GRIK4: variants seen among roughly 807,000 people sequenced by gnomAD.
GRIK4 encodes the protein glutamate ionotropic receptor kainate type subunit 4.
In GRIK4, 40 loss-of-function variants were observed where a neutral mutation model predicts 104.9. That is an observed-to-expected ratio of 0.38 (90% CI 0.30 to 0.50). The LOEUF is 0.50. GRIK4 is among the 20% of genes least tolerant of loss of function. GRIK4 has a pLI of 0.93. For synonymous variants in GRIK4, 485 were observed against 524.9 expected, an observed-to-expected ratio of 0.92 and a Z score of 1.04; for missense variants, 1,047 against 1,308.1, an observed-to-expected ratio of 0.80 and a Z score of 3.08.
At position 120,660,291 on chromosome 11, in the gene GRIK4, C is replaced by T; in HGVS notation, c.-28C>T. ...CAGAGTTATGTCATGCCCAGGCCAG[C>T]AGGGGGCTCCATGAGGATTCATAGA... is the stretch of plus-strand genomic sequence containing the variant. On this transcript the variant is annotated 5_prime_UTR_variant, in exon 3 of 21. An upstream open reading frame in the 5' UTR gains an earlier in-frame stop. Transcript: ENST00000527524. 2 of 1,553,640 alleles carry T rather than the reference C, an allele frequency of 1.3e-6. No individual in the cohort carries two copies. Among genetic ancestry groups the T allele is most frequent in the Non-Finnish European group, 1.8e-6 (2 of 1,126,338 alleles).
At chr11:120,920,198 T>C (rs1176612621) in intron 13 of GRIK4, among the ~76,000 whole-genome samples, 6 of 152,172 alleles carry the variant, frequency 3.9e-5, no homozygotes, top group Admixed American at 1.3e-4. Context: ...AAAATGAAAA[T>C]AATAGTACCC....
intron 3 of GRIK4, among the ~76,000 whole-genome samples, chr11:120,668,259 A>G (rs1949954978): frequency 6.6e-6 from 1 of 151,900 alleles, no homozygotes; most frequent in Non-Finnish European, 1.5e-5. Flanking sequence ...AGATGAAAGA[A>G]ATAAGAAAGA....
At chr11:120,690,350 G>C (rs2135307941) in intron 3 of GRIK4, among the ~76,000 whole-genome samples, 1 of 152,326 alleles carries the variant, frequency 6.6e-6, no homozygotes, top group South Asian at 2.1e-4. Context: ...GTGTGGGCTT[G>C]TGCTTCTAGG....
chr11:120,637,720 T>G (rs957854126), intron 1 of GRIK4, among the ~76,000 whole-genome samples: 1 of 152,048 alleles, frequency 6.6e-6, no homozygotes, highest in African/African-American at 2.4e-5. Context: ...CTGCCCAGGT[T>G]TTTTCCGTAG....
In GRIK4 at chr11:120,960,960, C is replaced by T; in HGVS notation, c.1926C>T (p.Ala642=). ...IISSYTANLA[A]FLTVQRMDVP... ...CATCCTACACGGCCAACCTGGCAGC[C>T]TTCCTGACCGTGCAGCGCATGGATG... Residue 642 remains alanine, a synonymous_variant, in exon 17 of 21, where the codon GCC becomes GCT. Coordinates refer to ENST00000527524, the MANE Select transcript of GRIK4 (RefSeq NM_014619.5). The T allele has an allele frequency of 6.2e-7, 1 of 1,614,100 alleles. No individual in the cohort carries two copies. Among genetic ancestry groups the T allele is most frequent in the Admixed American group, 1.7e-5 (1 of 60,004 alleles).
At chr11:120,766,236 G>A (rs988838688) in intron 3 of GRIK4, among the ~76,000 whole-genome samples, 4 of 152,162 alleles carry the variant, frequency 2.6e-5, no homozygotes, top group African/African-American at 7.2e-5. Flanking sequence ...ATTTCCCAGC[G>A]GCTTTGTTTA....
intron 5 of GRIK4, among the ~76,000 whole-genome samples, chr11:120,818,766 A>T (rs989310121): frequency 6.6e-6 from 1 of 152,180 alleles, no homozygotes; most frequent in Non-Finnish European, 1.5e-5. Context: ...TTTCTGAATA[A>T]TCCATTCTGG....
intron 3 of GRIK4, among the ~76,000 whole-genome samples, chr11:120,773,561 T>A (rs1951985915): frequency 6.6e-6 from 1 of 152,170 alleles, no homozygotes; most frequent in Non-Finnish European, 1.5e-5. Flanking sequence ...GTGTTGCTCC[T>A]CAGGAAATTC....
At chr11:120,778,914 G>A (rs1952095182) in intron 3 of GRIK4, among the ~76,000 whole-genome samples, 1 of 152,228 alleles carries the variant, frequency 6.6e-6, no homozygotes, top group South Asian at 2.1e-4. Context: ...AGGTGCCTTT[G>A]TGAGTCCAGA....
chr11:120,649,295 C>A (rs1475428714), intron 1 of GRIK4, among the ~76,000 whole-genome samples: 8 of 151,058 alleles, frequency 5.3e-5, no homozygotes, highest in African/African-American at 2.0e-4. Context: ...CCTGCTCTGG[C>A]TAAGACTGAA....
intron 1 of GRIK4, among the ~76,000 whole-genome samples, chr11:120,597,368 CT>C (rs1555144261): frequency 6.6e-6 from 1 of 152,202 alleles, no homozygotes; most frequent in Non-Finnish European, 1.5e-5. Context: ...CAAAGCACCC[CT>C]CTTGGGGCTG....
intron 3 of GRIK4, among the ~76,000 whole-genome samples, chr11:120,743,912 G>T (rs529553696): frequency 2.0e-5 from 3 of 152,166 alleles, no homozygotes; most frequent in Admixed American, 1.3e-4. Context: ...CGGTGGAAGG[G>T]CTTTAATATG....
At chr11:120,898,828 G>T (rs1942655723) in intron 12 of GRIK4, among the ~76,000 whole-genome samples, 189 bp downstream of exon 12, 1 of 152,208 alleles carries the variant, frequency 6.6e-6, no homozygotes, top group Non-Finnish European at 1.5e-5. Context: ...TTCCAGAGCA[G>T]GTGGGGGGAG....
intron 1 of GRIK4, among the ~76,000 whole-genome samples, chr11:120,639,552 A>G (rs1434877303): frequency 6.6e-6 from 1 of 151,952 alleles, no homozygotes; most frequent in East Asian, 1.9e-4. Flanking sequence ...AAGTGACTCC[A>G]TCCTCTAGGC....
At chr11:120,533,212 A>G (rs2136082494) in intron 1 of GRIK4, among the ~76,000 whole-genome samples, 1 of 152,330 alleles carries the variant, frequency 6.6e-6, no homozygotes, top group African/African-American at 2.4e-5. Context: ...TAGCAGAGGG[A>G]AAAGCACATG....
chr11:120,593,550 C>T (rs1015839726), intron 1 of GRIK4, among the ~76,000 whole-genome samples: 2 of 152,120 alleles, frequency 1.3e-5, no homozygotes, highest in African/African-American at 4.8e-5. Flanking sequence ...TTGACTCCCC[C>T]TTTACTCCTG....
At chr11:120,597,319 G>A (rs748789581) in intron 1 of GRIK4, among the ~76,000 whole-genome samples, 83 of 152,348 alleles carry the variant, frequency 5.4e-4, no homozygotes, top group Non-Finnish European at 9.1e-4. Context: ...GATGTTTCCC[G>A]CAGAGGGTTC....
chr11:120,699,226 C>T (rs1029196574), intron 3 of GRIK4, among the ~76,000 whole-genome samples: 11 of 152,104 alleles, frequency 7.2e-5, no homozygotes, highest in Admixed American at 5.9e-4. Flanking sequence ...TGGTGGCTCG[C>T]GGTCCCAGCA....
chr11:120,833,323 A>G (rs533689074), intron 7 of GRIK4, among the ~76,000 whole-genome samples: 1 of 151,922 alleles, frequency 6.6e-6, no homozygotes, highest in South Asian at 2.1e-4. Flanking sequence ...CGGAAACACA[A>G]TATTTTTCTC....
Sources: gnomAD v4.1 joint callset for allele counts (sites outside exome capture counted in the v4.1 genomes callset) on GRCh38, gnomAD v4.1.1 for gene constraint, MANE v1.5 for transcripts, NCBI Gene and HGNC (gene_info 2026-07-23, HGNC 2026-07-21) for gene names.